PTPN9: variants seen among roughly 807,000 people sequenced by gnomAD.
PTPN9 encodes the protein tyrosine-protein phosphatase non-receptor type 9.
A neutral mutation model predicts 69.8 loss-of-function variants in PTPN9; 26 were observed. The observed-to-expected ratio is 0.37, with a 90% CI of 0.27 to 0.52. The LOEUF is 0.52. Among genes scored for constraint, PTPN9 ranks in the 20% least tolerant of loss-of-function variants. The pLI, the probability that PTPN9 is intolerant of heterozygous loss-of-function variation, is 0.91. For synonymous variants in PTPN9, 274 were observed against 272.5 expected (o/e 1.01, Z -0.05); for missense variants, 549 against 740.3 (o/e 0.74, Z 3.00).
At position 75,470,104 on chromosome 15, in the gene PTPN9, G is replaced by A. The variant is rs2074556182; in HGVS notation, c.1360-105C>T. On this transcript the variant is annotated intron_variant, in intron 11 of 12. Coordinates refer to ENST00000618819, the MANE Select transcript of PTPN9 (RefSeq NM_002833.4). ...ACACCCTGGTTATCCCTACCACCAA[G>A]GCTCCTATCCACCACTGTCAACTTT... 3 of 1,054,222 alleles carry A rather than the reference G, an allele frequency of 2.8e-6. No homozygotes were observed. In the East Asian group the frequency reaches 7.8e-5, roughly 27 times the overall value. The allele number at this position is 1,054,222 out of a possible 1,614,324, so 65.3% of individuals were successfully genotyped here. A position where few individuals can be genotyped will look rare whatever the true frequency, so the allele number is the denominator to read the frequency against.
At chr15:75,512,010 CT>C (rs2074847875) in intron 5 of PTPN9, among the ~76,000 whole-genome samples, 1 of 151,658 alleles carries the variant, frequency 6.6e-6, no homozygotes, top group Admixed American at 6.6e-5. Flanking sequence ...GCCTGGCTAA[CT>C]TTTTTGTATT....
intron 12 of PTPN9, 40 bp from the exon 13 acceptor site, chr15:75,469,023 CTT>C: frequency 6.6e-7 from 1 of 1,518,430 alleles, no homozygotes. Context: ...GTTTACCTCT[CTT>C]CTCTTCCTCC....
chr15:75,524,425 C>A, intron 2 of PTPN9, 127 bp from the exon 3 acceptor site: 1 of 534,784 alleles, frequency 1.9e-6, no homozygotes, highest in Non-Finnish European at 3.3e-6. Flanking sequence ...AATTTCATAA[C>A]TAAATAAATT....
At chr15:75,509,899 G>A (rs567217161) in intron 5 of PTPN9, among the ~76,000 whole-genome samples, 5 of 152,064 alleles carry the variant, frequency 3.3e-5, no homozygotes, top group African/African-American at 1.2e-4. Context: ...CAGGAGAATC[G>A]CTTGAACCCA....
intron 4 of PTPN9, among the ~76,000 whole-genome samples, chr15:75,518,884 G>C (rs1383439586): frequency 6.6e-6 from 1 of 150,760 alleles, no homozygotes; most frequent in Non-Finnish European, 1.5e-5. Flanking sequence ...TGAAGATACA[G>C]AAAGTATTCC....
rs1418081933 is a variant in PTPN9, at chr15:75,466,985, G to A, written c.*1784C>T. The stretch of plus-strand genomic sequence containing the variant: ...GATAGGGCCATGGCCTACAGACAAG[G>A]TGAACTCATAGTGTCAGAACTCAAA... On this transcript the variant is annotated 3_prime_UTR_variant, in exon 13 of 13. Coordinates refer to ENST00000618819, the MANE Select transcript of PTPN9 (RefSeq NM_002833.4). The A allele has an allele frequency of 6.6e-6, 1 of 152,240 alleles. No individual in the cohort carries two copies. The highest frequency in any genetic ancestry group is 6.5e-5 in the Admixed American group (1 of 15,270). The allele number at this position is 152,240 out of a possible 1,614,324, so 9.4% of individuals were successfully genotyped here. A position where few individuals can be genotyped will look rare whatever the true frequency, so the allele number is the denominator to read the frequency against.
At chr15:75,530,199 C>CAAAAAAAAAAAAAAAAA (rs1171614508) in intron 1 of PTPN9, among the ~76,000 whole-genome samples, 1 of 28,228 alleles carries the variant, frequency 3.5e-5, no homozygotes, top group Non-Finnish European at 7.0e-5. Flanking sequence ...GACTCCATCT[C>CAAAAAAAAAAAAAAAAA]AAAAAAAAAA....
intron 1 of PTPN9, among the ~76,000 whole-genome samples, chr15:75,567,995 C>CAAA (rs200988084): frequency 1.0e-5 from 1 of 96,060 alleles, no homozygotes; most frequent in Non-Finnish European, 2.0e-5. Context: ...GACTCCGTCT[C>CAAA]AAAAAAAAAA....
intron 7 of PTPN9, among the ~76,000 whole-genome samples, chr15:75,500,680 C>T (rs1253777116): frequency 6.6e-6 from 1 of 151,546 alleles, no homozygotes; most frequent in Non-Finnish European, 1.5e-5. Context: ...CACTTGAGCC[C>T]AGGGGTTCAA....
chr15:75,565,570 T>G (rs965070545), intron 1 of PTPN9, among the ~76,000 whole-genome samples: 4 of 152,108 alleles, frequency 2.6e-5, no homozygotes, highest in Admixed American at 6.6e-5. Context: ...CTAAAGAAAT[T>G]TCTAGATATT....
chr15:75,538,043 A>C (rs1412657035), intron 1 of PTPN9, among the ~76,000 whole-genome samples: 1 of 150,576 alleles, frequency 6.6e-6, no homozygotes, highest in African/African-American at 2.4e-5. Flanking sequence ...TGGGAGAGAG[A>C]GCAAGACTTT....
chr15:75,536,631 AGGGAGAATGGT>A (rs1281608438), intron 1 of PTPN9, among the ~76,000 whole-genome samples: 2 of 152,284 alleles, frequency 1.3e-5, no homozygotes, highest in African/African-American at 4.8e-5. Flanking sequence ...AATGTGTATG[AGGGAGAATGGT>A]GGGAGATGTG....
intron 1 of PTPN9, among the ~76,000 whole-genome samples, chr15:75,530,682 TTATATTATAATA>T (rs1342086684): frequency 1.6e-5 from 1 of 61,012 alleles, no homozygotes; most frequent in African/African-American, 8.4e-5. Context: ...ATATATATTA[TTATATTATAATA>T]TATATAATAT....
chr15:75,490,108 C>T (rs1169542155), intron 8 of PTPN9, 100 bp downstream of exon 8: 10 of 981,130 alleles, frequency 1.0e-5, no homozygotes, highest in East Asian at 2.4e-5. Context: ...TCTCTGGCCT[C>T]GGAGTCTACT....
intron 4 of PTPN9, among the ~76,000 whole-genome samples, chr15:75,521,982 A>G (rs2074907202): frequency 1.3e-5 from 2 of 152,202 alleles, no homozygotes; most frequent in Non-Finnish European, 2.9e-5. Flanking sequence ...CTAGGATTAC[A>G]GGCATGAATC....
In PTPN9 at chr15:75,481,088, A is replaced by C. The variant is rs1394160924; in HGVS notation, c.1063-1174T>G. ...GAGGAGCGTCTCTGCCCGGCCGCCC[A>C]TCGTCTGAGATGTGGGGAGCGCCTC... On this transcript the variant is annotated intron_variant, in intron 8 of 12. Transcript: ENST00000618819. Among the ~76,000 whole-genome samples, 326 of 41,188 alleles carry C rather than the reference A, an allele frequency of 7.9e-3. 4 individuals are homozygous for C. The highest frequency in any genetic ancestry group is 0.034 in the African/African-American group (307 of 9,146). 27.0% of individuals were successfully genotyped at this position (41,188 alleles called of 152,430 possible). A position where few individuals can be genotyped will look rare whatever the true frequency, so the allele number is the denominator to read the frequency against.
intron 3 of PTPN9, among the ~76,000 whole-genome samples, chr15:75,523,944 G>A (rs1190457320): frequency 6.6e-6 from 1 of 151,814 alleles, no homozygotes; most frequent in Non-Finnish European, 1.5e-5. Flanking sequence ...AGGTATATAG[G>A]AACAAAGTCC....
intron 1 of PTPN9, among the ~76,000 whole-genome samples, chr15:75,563,156 G>C (rs2075112043): frequency 6.6e-6 from 1 of 152,026 alleles, no homozygotes; most frequent in Non-Finnish European, 1.5e-5. Context: ...TTAATGTTTA[G>C]ATTCCACTTA....
chr15:75,511,524 G>A lies in PTPN9; in HGVS notation c.529-2497C>T, dbSNP rs554264769. On this transcript the variant is annotated intron_variant, in intron 5 of 12. Coordinates refer to ENST00000618819, the MANE Select transcript of PTPN9 (RefSeq NM_002833.4). The stretch of plus-strand genomic sequence containing the variant: ...GCCTCCCAGTGTTGGGATTCCAGGT[G>A]TGAGCCTCCATGCCTGGCCTGTTTT... Among the ~76,000 whole-genome samples the A allele has an allele frequency of 1.2e-3, 185 of 152,322 alleles. 1 individual carries two copies. The highest frequency in any genetic ancestry group is 4.2e-3 in the African/African-American group (175 of 41,568).
Sources: gnomAD v4.1 joint callset for allele counts (sites outside exome capture counted in the v4.1 genomes callset) on GRCh38, gnomAD v4.1.1 for gene constraint, MANE v1.5 for transcripts, NCBI Gene and HGNC (gene_info 2026-07-23, HGNC 2026-07-21) for gene names.